Variants in GPC5 observed in about 807,000 individuals in gnomAD.
The protein encoded by GPC5 is glypican-5.
GPC5 carries 47 observed loss-of-function variants against 53.9 expected under a neutral mutation model. The observed-to-expected ratio is 0.87, with a 90% CI of 0.69 to 1.11. GPC5 has a LOEUF of 1.11. Ranked by LOEUF, GPC5 falls within the 50% of genes most tolerant of loss-of-function variation. GPC5 has a pLI of 0.00. For synonymous variants in GPC5, 286 were observed against 263.3 expected (o/e 1.09, Z -0.84); for missense variants, 748 against 713.1 (o/e 1.05, Z -0.56).
intron 7 of GPC5, among the ~76,000 whole-genome samples, chr13:92,276,134 T>A (rs2042873564): frequency 1.3e-5 from 2 of 152,252 alleles, no homozygotes; most frequent in African/African-American, 4.8e-5. Flanking sequence ...AGTGTGTGTG[T>A]GAAGGTTGTT....
intron 5 of GPC5, among the ~76,000 whole-genome samples, chr13:91,896,117 A>AT (rs1185370619): frequency 0.014 from 1,818 of 127,998 alleles, 23 homozygotes; most frequent in East Asian, 0.02. Flanking sequence ...ATTTTTTCTA[A>AT]TTTTTTTTTT....
chr13:92,008,266 G>T (rs2040627836), intron 6 of GPC5, among the ~76,000 whole-genome samples: 1 of 151,912 alleles, frequency 6.6e-6, no homozygotes, highest in Non-Finnish European at 1.5e-5. Context: ...GTTTCACCGT[G>T]TTAGCCAGGA....
At chr13:91,477,777 A>T (rs1175255414) in intron 2 of GPC5, among the ~76,000 whole-genome samples, 1 of 152,186 alleles carries the variant, frequency 6.6e-6, no homozygotes, top group African/African-American at 2.4e-5. Flanking sequence ...TGAAATGAGA[A>T]GGAGAGGCCC....
chr13:91,439,869 A>G (rs560919470), intron 1 of GPC5, among the ~76,000 whole-genome samples: 57 of 152,326 alleles, frequency 3.7e-4, no homozygotes, highest in Non-Finnish European at 7.5e-4. Context: ...TGAAATTTTA[A>G]GAAACAAATA....
chr13:92,763,864 C>T (rs925338059), intron 7 of GPC5, among the ~76,000 whole-genome samples: 6 of 152,126 alleles, frequency 3.9e-5, no homozygotes, highest in Non-Finnish European at 7.3e-5. Flanking sequence ...GAGCAGCGTA[C>T]TATTGCAATA....
chr13:92,815,466 G>A (rs1246561136), intron 7 of GPC5, among the ~76,000 whole-genome samples: 1 of 151,898 alleles, frequency 6.6e-6, no homozygotes, highest in Non-Finnish European at 1.5e-5. Flanking sequence ...GTAATCAGAG[G>A]AGAAAATTGT....
chr13:91,791,330 A>G (rs957173400), intron 5 of GPC5, among the ~76,000 whole-genome samples: 15 of 152,194 alleles, frequency 9.9e-5, no homozygotes, highest in African/African-American at 3.6e-4. Context: ...AACTGTAGAG[A>G]AGACACAGCC....
intron 7 of GPC5, among the ~76,000 whole-genome samples, chr13:92,613,349 TAAA>T (rs1259699279): frequency 4.9e-5 from 5 of 101,490 alleles, no homozygotes; most frequent in Non-Finnish European, 8.9e-5. Context: ...TATTTATATA[TAAA>T]TATATAATAT....
At chr13:92,751,163 C>T (rs1889378392) in intron 7 of GPC5, among the ~76,000 whole-genome samples, 1 of 151,766 alleles carries the variant, frequency 6.6e-6, no homozygotes, top group African/African-American at 2.4e-5. Context: ...ACATTTTCTA[C>T]CAACTGGGAG....
At chr13:91,465,454 A>G (rs1882177358) in intron 2 of GPC5, among the ~76,000 whole-genome samples, 1 of 152,100 alleles carries the variant, frequency 6.6e-6, no homozygotes, top group Non-Finnish European at 1.5e-5. Context: ...CCACTTAAGT[A>G]CTACAGTTTT....
At chr13:91,742,985 G>C (rs79495344) in intron 4 of GPC5, among the ~76,000 whole-genome samples, 13,828 of 151,988 alleles carry the variant, frequency 0.091, 794 homozygotes, top group African/African-American at 0.17. Flanking sequence ...TTCTATGTAG[G>C]CGCTTTGCCG....
Position 92,445,298 on chromosome 13 carries a change from T to G in GPC5, c.1561+300309T>G, listed in dbSNP as rs529992469. 5.4e-5 allele frequency among the ~76,000 whole-genome samples: 7 copies of G among 130,134 alleles called. No homozygotes were observed. The East Asian group carries it at 9.8e-4, about 18-fold the overall frequency. 85.4% of individuals were successfully genotyped at this position (130,134 alleles called of 152,430 possible). On this transcript the variant is annotated intron_variant, in intron 7 of 7. Coordinates refer to ENST00000377067, the MANE Select transcript of GPC5 (RefSeq NM_004466.6). ...AACAAAGATTCTCTTTTTGTGATTT[T>G]TTTTGTTTTATTTTATTTTATTTTA...
At chr13:92,368,298 C>T (rs1019665096) in intron 7 of GPC5, among the ~76,000 whole-genome samples, 8 of 150,086 alleles carry the variant, frequency 5.3e-5, no homozygotes, top group African/African-American at 2.0e-4. Flanking sequence ...AAACCTTTTA[C>T]TATCACCAGT....
intron 5 of GPC5, among the ~76,000 whole-genome samples, chr13:91,827,875 AG>A (rs1291521258): frequency 6.6e-6 from 1 of 152,052 alleles, no homozygotes; most frequent in Non-Finnish European, 1.5e-5. Context: ...ATCCATATAA[AG>A]ACTTGTTTAT....
intron 7 of GPC5, among the ~76,000 whole-genome samples, chr13:92,715,304 G>A (rs1888292244): frequency 6.6e-6 from 1 of 152,096 alleles, no homozygotes; most frequent in South Asian, 2.1e-4. Context: ...TAGACTGTAA[G>A]ATTGAAAAAC....
At chr13:91,780,815 G>A (rs150569244) in intron 5 of GPC5, among the ~76,000 whole-genome samples, 80 of 152,178 alleles carry the variant, frequency 5.3e-4, no homozygotes, top group Non-Finnish European at 8.4e-4. Flanking sequence ...CAAGGTCAAC[G>A]CCACAAGTAG....
At chr13:92,540,373 G>T (rs1356910748) in intron 7 of GPC5, among the ~76,000 whole-genome samples, 1 of 151,898 alleles carries the variant, frequency 6.6e-6, no homozygotes, top group African/African-American at 2.4e-5. Context: ...GATAATAGTG[G>T]TCCTATAGAA....
intron 7 of GPC5, among the ~76,000 whole-genome samples, chr13:92,374,875 AAAAAT>A (rs1313073016): frequency 2.3e-4 from 35 of 151,994 alleles, no homozygotes; most frequent in Non-Finnish European, 3.5e-4. Context: ...AATAGAAAAA[AAAAAT>A]AAAAAAAAAA....
intron 2 of GPC5, among the ~76,000 whole-genome samples, chr13:91,499,727 T>C (rs1013690757): frequency 2.0e-5 from 3 of 152,196 alleles, no homozygotes; most frequent in Non-Finnish European, 4.4e-5. Flanking sequence ...CTGCCACCTT[T>C]CAGAGACAGC....
Sources: allele counts gnomAD v4.1 joint callset (sites outside exome capture counted in the v4.1 genomes callset), GRCh38; gene constraint gnomAD v4.1.1; transcripts MANE v1.5; gene names NCBI Gene and HGNC (gene_info 2026-07-23, HGNC 2026-07-21).